The following ADGRD1 variants were observed in gnomAD, a reference collection of about 807,000 sequenced individuals.
ADGRD1 encodes the protein G-protein coupled receptor 133.
Under a neutral mutation model 113.4 loss-of-function variants are expected in ADGRD1, and 77 were observed. The observed-to-expected ratio is 0.68, with a 90% CI of 0.57 to 0.82. The LOEUF is 0.82. Ranked by LOEUF, ADGRD1 falls within the 40% of genes least tolerant of loss-of-function variation. The pLI is 0.00. For missense variants in ADGRD1, 1,036 were observed against 1,139.1 expected, an observed-to-expected ratio of 0.91 and a Z score of 1.30; for synonymous variants, 474 against 475.0, an observed-to-expected ratio of 1.00 and a Z score of 0.03.
intron 22 of ADGRD1, among the ~76,000 whole-genome samples, chr12:131,136,619 C>T (rs894497038): frequency 1.3e-5 from 2 of 152,238 alleles, no homozygotes; most frequent in Admixed American, 1.3e-4. Context: ...CATCCATGGC[C>T]CTCCCAGCCC....
rs1360936887 is a variant in ADGRD1, at chr12:130,971,480, C to T, written c.210C>T (p.Asn70=). Residue 70 remains asparagine (N), a synonymous_variant, in exon 4 of 25, where the codon AAC becomes AAT. Transcript: ENST00000261654. The surrounding 1 kb of genome is among the most constrained non-coding windows in gnomAD (Gnocchi z 4.2). ...TAGATATTGTGGAAGGGAAGGTCAA[C>T]AAAGGCATTTACCTGAAAGAGGAAA... ...TTGDIVEGKV[N]KGIYLKEEKG... is the part of the protein sequence containing the mutation. The T allele has an allele frequency of 1.9e-6, 3 of 1,613,272 alleles. No homozygotes were observed. Among genetic ancestry groups the T allele is most frequent in the East Asian group, 2.2e-5 (1 of 44,850 alleles).
chr12:131,101,365 T>TTTTC lies in ADGRD1; in HGVS notation c.1672-3454_1672-3451dup, dbSNP rs200577073. Among the ~76,000 whole-genome samples, 253 of 100,000 alleles carry TTTTC rather than the reference T, an allele frequency of 2.5e-3. 2 individuals carry two copies. The highest frequency in any genetic ancestry group is 6.5e-3 in the African/African-American group (208 of 32,078). The allele number at this position is 100,000 out of a possible 152,430, so 65.6% of individuals were successfully genotyped here. A position where few individuals can be genotyped will look rare whatever the true frequency, so the allele number is the denominator to read the frequency against. ...CTTTTCTTTCTTTTATTTTTTTTCT[T>TTTTC]TTTCTTTCTTTCTTTTTTTTTTTTT... On this transcript the variant is annotated intron_variant, in intron 15 of 24. Coordinates refer to ENST00000261654, the MANE Select transcript of ADGRD1 (RefSeq NM_198827.5).
chr12:130,967,129 T>C (rs552686078), intron 3 of ADGRD1: 3 of 425,134 alleles, frequency 7.1e-6, no homozygotes, highest in East Asian at 7.4e-5. Flanking sequence ...CAGGGGCCTA[T>C]TGATGAAGCA....
chr12:131,040,961 A>G lies in ADGRD1; in HGVS notation c.1473+26621A>G, dbSNP rs577631944. Among the ~76,000 whole-genome samples the G allele has an allele frequency of 9.2e-5, 14 of 152,340 alleles. No individual in the cohort carries two copies. In the East Asian group the frequency reaches 2.5e-3, roughly 27 times the overall value. On this transcript the variant is annotated intron_variant, in intron 13 of 24. Coordinates refer to ENST00000261654, the MANE Select transcript of ADGRD1 (RefSeq NM_198827.5). ...CTGAAACCTGAACTTCTCGCGGTGCAGGTCTGACCTGCTGTGTGGCAGGAC... is the reference window on the plus strand; with the variant it reads ...CTGAAACCTGAACTTCTCGCGGTGCGGGTCTGACCTGCTGTGTGGCAGGAC...
chr12:130,991,021 T>G lies in ADGRD1; in HGVS notation c.753T>G (p.His251Gln). Residue 251 changes from histidine (H) to glutamine (Q), a missense_variant, in exon 7 of 25, where the codon CAT becomes CAG. Transcript: ENST00000261654. Reference protein sequence around the residue: ...AMYFTAAIGKHALLSSTLPSL... With the variant: ...AMYFTAAIGKQALLSSTLPSL... Reference sequence around the variant, plus strand: ...CAGCATTGTTTCTTCCAGGAAAGCATGCTTTATTGTCTTCAACGCTGCCAA... The same window carrying G: ...CAGCATTGTTTCTTCCAGGAAAGCAGGCTTTATTGTCTTCAACGCTGCCAA... The G allele has an allele frequency of 1.2e-6, 2 of 1,613,974 alleles. No homozygotes were observed. Among genetic ancestry groups the G allele is most frequent in the Non-Finnish European group, 1.7e-6 (2 of 1,179,890 alleles).
intron 13 of ADGRD1, chr12:131,070,623 C>T (rs1264639775): frequency 1.6e-5 from 5 of 311,182 alleles, no homozygotes; most frequent in South Asian, 1.0e-4. Context: ...GAGGCTGCTG[C>T]GTCATCCAGG....
intron 13 of ADGRD1, among the ~76,000 whole-genome samples, chr12:131,031,644 T>C (rs1880758922): frequency 6.6e-6 from 1 of 151,824 alleles, no homozygotes. Flanking sequence ...GCAGGAGTTC[T>C]GGGGCCCCTC....
chr12:130,996,137 C>A (rs1875290405), intron 8 of ADGRD1, among the ~76,000 whole-genome samples: 1 of 152,068 alleles, frequency 6.6e-6, no homozygotes, highest in African/African-American at 2.4e-5. Flanking sequence ...AAGAATTTTT[C>A]TTAGTACAGA....
In ADGRD1 at chr12:131,108,776, T is replaced by A. The variant is rs1345259776; in HGVS notation, c.1940T>A (p.Phe647Tyr). 1 of 1,614,068 alleles carries A rather than the reference T, an allele frequency of 6.2e-7. No individual in the cohort carries two copies. The highest frequency in any genetic ancestry group is 1.3e-5 in the African/African-American group (1 of 74,966). The part of the protein sequence containing the change: ...VLLHYFFLSA[F>Y]AWMLVEGLHL... ...CTACACTACTTCTTCCTGAGTGCCT[T>A]CGCATGGATGCTGGTGGAGGGGCTG... The change falls in exon 18 of 25, where the codon TTC becomes TAC. Residue 647 changes from phenylalanine (F) to tyrosine (Y), a missense_variant. Coordinates refer to ENST00000261654, the MANE Select transcript of ADGRD1 (RefSeq NM_198827.5).
In ADGRD1 at chr12:131,061,403, G is replaced by A. The variant is rs114049535; in HGVS notation, c.1474-15398G>A. Among the ~76,000 whole-genome samples the A allele has an allele frequency of 6.7e-3, 1,014 of 152,272 alleles. 8 individuals carry two copies. Among genetic ancestry groups the A allele is most frequent in the African/African-American group, 0.023 (966 of 41,554 alleles). On this transcript the variant is annotated intron_variant, in intron 13 of 24. Coordinates refer to ENST00000261654, the MANE Select transcript of ADGRD1 (RefSeq NM_198827.5). ...AGAACTCAGCAAATCAAAATGAGAC[G>A]TAAATATTCAAGCCTCTGGCTTAAT...
chr12:131,001,556 A>C (rs954635459), intron 9 of ADGRD1, among the ~76,000 whole-genome samples: 2 of 152,246 alleles, frequency 1.3e-5, no homozygotes, highest in African/African-American at 4.8e-5. Flanking sequence ...ACACTGTATT[A>C]GTCAGGACAG....
At chr12:131,079,064 T>A (rs1020095019) in intron 14 of ADGRD1, among the ~76,000 whole-genome samples, 3 of 152,184 alleles carry the variant, frequency 2.0e-5, no homozygotes, top group Admixed American at 2.0e-4. Context: ...TCCTATATAG[T>A]TTTGCTTCTG....
intron 8 of ADGRD1, among the ~76,000 whole-genome samples, chr12:130,995,907 A>C (rs1875236047): frequency 6.6e-6 from 1 of 152,176 alleles, no homozygotes; most frequent in African/African-American, 2.4e-5. Context: ...TGGTTTTCCT[A>C]GGCAGAGGAC....
rs77646423 is a variant in ADGRD1 at position 130,994,938 on chromosome 12, T to G, written c.966+2546T>G. Among the ~76,000 whole-genome samples, 1,270 of 152,184 alleles carry G rather than the reference T, an allele frequency of 8.3e-3. 23 individuals carry two copies. The highest frequency in any genetic ancestry group is 0.029 in the African/African-American group (1,200 of 41,526). ...GTCACTCCTCAGAACCTTCTAGAAG[T>G]GTGTGTCCTGCCCTAGGGCAGGCCG... On this transcript the variant is annotated intron_variant, in intron 8 of 24. Transcript: ENST00000261654.
Position 130,987,594 on chromosome 12 carries a change from G to C in ADGRD1, c.745+245G>C, listed in dbSNP as rs918609798. Reference sequence around the variant, plus strand: ...CTGTTGATCATCACGGGGTTTCAAGGTATATGTGATGGACGATTATAGAAG... The same window carrying C: ...CTGTTGATCATCACGGGGTTTCAAGCTATATGTGATGGACGATTATAGAAG... On this transcript the variant is annotated intron_variant, in intron 6 of 24. Coordinates refer to ENST00000261654, the MANE Select transcript of ADGRD1 (RefSeq NM_198827.5). 3 of 558,946 alleles carry C rather than the reference G, an allele frequency of 5.4e-6. No homozygotes were observed. In the Admixed American group the frequency reaches 9.4e-5, roughly 17 times the overall value. The allele number at this position is 558,946 out of a possible 1,614,324, so 34.6% of individuals were successfully genotyped here.
chr12:131,019,791 C>T (rs927680236), intron 13 of ADGRD1, among the ~76,000 whole-genome samples: 12 of 151,224 alleles, frequency 7.9e-5, no homozygotes, highest in Non-Finnish European at 1.6e-4. Context: ...GGAAGGACCC[C>T]GAGCTCCATC....
In ADGRD1 at chr12:131,118,526, G is replaced by T. The variant is rs906942877; in HGVS notation, c.2108+75G>T. 3.8e-6 allele frequency: 4 copies of T among 1,064,016 alleles called. No individual in the cohort carries two copies. In the African/African-American group the frequency reaches 6.3e-5, roughly 17 times the overall value. The allele number at this position is 1,064,016 out of a possible 1,614,324, so 65.9% of individuals were successfully genotyped here. ...TTGTGGCGAGAGCCCCGTGGCTCTT[G>T]CCTTCCTGTGCTCTTCTGGGTGCAG... On this transcript the variant is annotated intron_variant, in intron 19 of 24. Transcript: ENST00000261654.
At chr12:131,051,076 C>T (rs1883341111) in intron 13 of ADGRD1, among the ~76,000 whole-genome samples, 1 of 152,224 alleles carries the variant, frequency 6.6e-6, no homozygotes, top group South Asian at 2.1e-4. Flanking sequence ...GCAGGCCCCG[C>T]CTGCAACACT....
intron 21 of ADGRD1, among the ~76,000 whole-genome samples, chr12:131,135,005 A>G (rs1593276728): frequency 6.6e-6 from 1 of 151,978 alleles, no homozygotes; most frequent in South Asian, 2.1e-4. Flanking sequence ...GGCAGCAGGA[A>G]CTCCGCTAGT....
Sources: allele counts gnomAD v4.1 joint callset (sites outside exome capture counted in the v4.1 genomes callset), GRCh38; gene constraint gnomAD v4.1.1; non-coding constraint Gnocchi (gnomAD v3.1); transcripts MANE v1.5; gene names NCBI Gene and HGNC (gene_info 2026-07-23, HGNC 2026-07-21).